RASA3: variants seen among roughly 807,000 people sequenced by gnomAD.
The protein encoded by RASA3 is RAS p21 protein activator 3.
In RASA3, 73 loss-of-function variants were observed where a neutral mutation model predicts 110.0. That is an observed-to-expected ratio of 0.66 (90% CI 0.55 to 0.81). The LOEUF (loss-of-function observed/expected upper bound fraction) is 0.81, where lower values mean the gene tolerates loss of function less well. Ranked by LOEUF, RASA3 falls within the 30% of genes least tolerant of loss-of-function variation. The pLI, the probability that RASA3 is intolerant of heterozygous loss-of-function variation, is 0.00. For synonymous variants in RASA3, 500 were observed against 451.4 expected (o/e 1.11, Z -1.37); for missense variants, 976 against 1,113.2 (o/e 0.88, Z 1.75).
At chr13:114,046,339 G>A (rs1346615418) in intron 3 of RASA3, among the ~76,000 whole-genome samples, 3 of 152,162 alleles carry the variant, frequency 2.0e-5, no homozygotes, top group Admixed American at 1.3e-4. Flanking sequence ...TTTTATGGAG[G>A]CGGCAGTGGC....
chr13:114,027,284 G>T, intron 7 of RASA3, 105 bp downstream of exon 7: 2 of 1,024,918 alleles, frequency 2.0e-6, no homozygotes, highest in Non-Finnish European at 2.9e-6. Context: ...TCTCCGGAAG[G>T]AACTTCCAGA....
intron 1 of RASA3, among the ~76,000 whole-genome samples, chr13:114,088,450 C>T (rs889765994): frequency 6.6e-6 from 1 of 152,178 alleles, no homozygotes; most frequent in Non-Finnish European, 1.5e-5. Flanking sequence ...AAGCCTCTTG[C>T]CCCCTAGGGA....
In RASA3 at chr13:114,087,478, G is replaced by A. The variant is rs556726998; in HGVS notation, c.56-13641C>T. On this transcript the variant is annotated intron_variant, in intron 1 of 23. Coordinates refer to ENST00000334062, the MANE Select transcript of RASA3 (RefSeq NM_007368.4). ...ACGCAGAGACCTCCTGGAGATGGGCGCGCTACACGAGCTTTTGAAATGAGC... is the reference window on the plus strand; with the variant it reads ...ACGCAGAGACCTCCTGGAGATGGGCACGCTACACGAGCTTTTGAAATGAGC... Among the ~76,000 whole-genome samples the A allele has an allele frequency of 4.5e-4, 69 of 152,374 alleles. 1 individual carries two copies. The highest frequency in any genetic ancestry group is 7.9e-4 in the Non-Finnish European group (54 of 68,028).
Position 114,071,407 on chromosome 13 carries a change from G to A in RASA3, c.173+2313C>T, listed in dbSNP as rs568594145. 2.2e-4 allele frequency among the ~76,000 whole-genome samples: 33 copies of A among 152,310 alleles called. 1 individual carries two copies. The South Asian group carries it at 3.9e-3, about 18-fold the overall frequency. ...CTCCTCCCACTGGCTCTGATTCAGCGGGTCTGAGAGGATCCCGGCCTGAGA... is the reference window on the plus strand; with the variant it reads ...CTCCTCCCACTGGCTCTGATTCAGCAGGTCTGAGAGGATCCCGGCCTGAGA... On this transcript the variant is annotated intron_variant, in intron 2 of 23. Transcript: ENST00000334062.
intron 2 of RASA3, among the ~76,000 whole-genome samples, chr13:114,067,420 T>C (rs1438710071): frequency 6.6e-6 from 1 of 152,268 alleles, no homozygotes; most frequent in Admixed American, 6.5e-5. Context: ...TCATGGGAAA[T>C]GTGACTTTTC....
chr13:114,021,406 C>T lies in RASA3; in HGVS notation c.783G>A (p.Ala261=), dbSNP rs745974168. ...CTGCAGGTGCAACATCATCTTACCA[C>T]GCCTCGTAGGAGCTGGACTGCCGCA... ...KVLRQSSSYE[A]WYFLQPRDNG... is the part of the protein sequence containing the mutation. Residue 261 remains alanine (A), a splice_region_variant and synonymous_variant, in exon 9 of 24, where the codon GCG becomes GCA. Coordinates refer to ENST00000334062, the MANE Select transcript of RASA3 (RefSeq NM_007368.4). 3.7e-6 allele frequency: 6 copies of T among 1,613,408 alleles called. No homozygotes were observed. Among genetic ancestry groups the T allele is most frequent in the African/African-American group, 2.7e-5 (2 of 74,930 alleles).
At chr13:113,995,856 G>A (rs1594288577) in intron 21 of RASA3, among the ~76,000 whole-genome samples, 2 of 24,914 alleles carry the variant, frequency 8.0e-5, no homozygotes, top group African/African-American at 4.7e-4. Flanking sequence ...CTGACGGGGG[G>A]CCCGGCTGAT....
rs1387662227 is a variant in RASA3 at position 113,978,972 on chromosome 13, A to G, written c.*375T>C. The G allele has an allele frequency of 3.7e-5, 11 of 296,406 alleles. No homozygotes were observed. The highest frequency in any genetic ancestry group is 2.0e-5 in the Non-Finnish European group (3 of 153,778). The allele number at this position is 296,406 out of a possible 1,614,324, so 18.4% of individuals were successfully genotyped here. A position where few individuals can be genotyped will look rare whatever the true frequency, so the allele number is the denominator to read the frequency against. ...CGCAAGACAGACGTGCACGAGACTGACGCACACACGGCCGGAGGTGCATGT... is the reference window on the plus strand; with the variant it reads ...CGCAAGACAGACGTGCACGAGACTGGCGCACACACGGCCGGAGGTGCATGT... On this transcript the variant is annotated 3_prime_UTR_variant, in exon 24 of 24. Transcript: ENST00000334062.
chr13:114,074,817 T>C (rs1184399929), intron 1 of RASA3, among the ~76,000 whole-genome samples: 3 of 152,208 alleles, frequency 2.0e-5, no homozygotes. Context: ...CTGGAGGTCA[T>C]AACTGAACCC....
In RASA3 at chr13:114,048,778, A is replaced by C. The variant is rs1033413621; in HGVS notation, c.277+3274T>G. Among the ~76,000 whole-genome samples the C allele has an allele frequency of 6.6e-6, 1 of 151,054 alleles. No homozygotes were observed. Among genetic ancestry groups the C allele is most frequent in the African/African-American group, 2.4e-5 (1 of 41,126 alleles). On this transcript the variant is annotated intron_variant, in intron 3 of 23. Transcript: ENST00000334062. This position sits in a 1 kb window ranked among gnomAD's most constrained non-coding sequence, Gnocchi z 4.3. ...TGGGCCATGGACCCAGGGACAGAGG[A>C]GGCTACGGTCACGCCGCCCGGGACC...
At chr13:113,989,361 A>C in intron 22 of RASA3, among the ~76,000 whole-genome samples, 3 of 113,640 alleles carry the variant, frequency 2.6e-5, no homozygotes, top group Non-Finnish European at 3.6e-5. Flanking sequence ...ATCTCTCACC[A>C]TCTGTCCATC....
At chr13:114,068,278 AG>A (rs1250559051) in intron 2 of RASA3, among the ~76,000 whole-genome samples, 1 of 152,208 alleles carries the variant, frequency 6.6e-6, no homozygotes, top group African/African-American at 2.4e-5. Flanking sequence ...CCCCAGTGGC[AG>A]GGGGTAGGGT....
At chr13:114,074,282 T>C (rs935744314) in intron 1 of RASA3, among the ~76,000 whole-genome samples, 1 of 151,764 alleles carries the variant, frequency 6.6e-6, no homozygotes, top group African/African-American at 2.4e-5. Flanking sequence ...CTCACTCCCA[T>C]CCCCCTCCTG....
At chr13:114,122,102 G>T (rs113488360) in intron 1 of RASA3, among the ~76,000 whole-genome samples, 1 of 152,254 alleles carries the variant, frequency 6.6e-6, no homozygotes, top group Non-Finnish European at 1.5e-5. Flanking sequence ...AGAGGATCTG[G>T]GAGGCCAGGC....
intron 2 of RASA3, among the ~76,000 whole-genome samples, chr13:114,052,536 C>T (rs142352117): frequency 6.0e-4 from 91 of 152,324 alleles, no homozygotes; most frequent in African/African-American, 2.1e-3. Flanking sequence ...TCCCTTTATG[C>T]ATTAAACATA....
At chr13:114,061,377 A>G (rs1222119861) in intron 2 of RASA3, among the ~76,000 whole-genome samples, 15 of 152,120 alleles carry the variant, frequency 9.9e-5, no homozygotes, top group Non-Finnish European at 1.5e-5. Flanking sequence ...GCCCAGGCCC[A>G]CCTCAGAGAA....
At chr13:114,027,014 A>G (rs1229262041) in intron 7 of RASA3, among the ~76,000 whole-genome samples, 1 of 152,244 alleles carries the variant, frequency 6.6e-6, no homozygotes, top group Non-Finnish European at 1.5e-5. Flanking sequence ...TGGGCAGAGC[A>G]GCCAAAAAAA....
chr13:114,101,885 G>A (rs1312716315), intron 1 of RASA3, among the ~76,000 whole-genome samples: 3 of 152,120 alleles, frequency 2.0e-5, no homozygotes, highest in African/African-American at 4.8e-5. Flanking sequence ...CATTCACCCT[G>A]GACCACGGCA....
intron 1 of RASA3, among the ~76,000 whole-genome samples, chr13:114,125,568 G>T (rs1009030180): frequency 3.9e-5 from 6 of 152,154 alleles, no homozygotes; most frequent in Admixed American, 1.3e-4. Flanking sequence ...TTCCCACCAG[G>T]CCCCACTTCC....
Sources: allele counts gnomAD v4.1 joint callset (sites outside exome capture counted in the v4.1 genomes callset), GRCh38; gene constraint gnomAD v4.1.1; non-coding constraint Gnocchi (gnomAD v3.1); transcripts MANE v1.5; gene names NCBI Gene and HGNC (gene_info 2026-07-23, HGNC 2026-07-21).